PLCH1: variants seen among roughly 807,000 people sequenced by gnomAD.
The protein encoded by PLCH1 is phospholipase C eta 1.
In PLCH1, 60 loss-of-function variants were observed where a neutral mutation model predicts 126.7. The observed-to-expected ratio is 0.47, with a 90% CI of 0.38 to 0.59. The LOEUF (loss-of-function observed/expected upper bound fraction) is 0.59. PLCH1 is among the 20% of genes least tolerant of loss of function. The pLI, the probability that PLCH1 is intolerant of heterozygous loss-of-function variation, is 0.00. For missense variants in PLCH1, 1,723 were observed against 2,040.0 expected (o/e 0.84, Z 2.99); for synonymous variants, 719 against 734.9 (o/e 0.98, Z 0.35).
Position 155,595,186 on chromosome 3 carries a change from T to A in PLCH1, c.227-1002A>T, listed in dbSNP as rs186237643. ...CTGGAAAGGTAGACAATGGCTAGAT[T>A]GTGGAGTGGCTGGAATCACAGAGAT... On this transcript the variant is annotated intron_variant, in intron 3 of 22. Transcript: ENST00000460012. Among the ~76,000 whole-genome samples the A allele has an allele frequency of 8.5e-5, 13 of 152,302 alleles. No homozygotes were observed. The East Asian group carries it at 2.3e-3, about 27-fold the overall frequency.
rs548215489 is a variant in PLCH1, at chr3:155,684,030, T to C, written c.79+20116A>G. The stretch of plus-strand genomic sequence containing the variant: ...CCTGATATCTTAATACAGGATATTT[T>C]ATCATGCCTTAATCTGCCATCTCTG... On this transcript the variant is annotated intron_variant, in intron 2 of 22. Transcript: ENST00000460012. 7.9e-5 allele frequency among the ~76,000 whole-genome samples: 12 copies of C among 152,356 alleles called. No homozygotes were observed. In the South Asian group the frequency reaches 2.3e-3, roughly 29 times the overall value.
Position 155,529,853 on chromosome 3 carries a change from G to A in PLCH1, c.1363-5849C>T, listed in dbSNP as rs190569512. Among the ~76,000 whole-genome samples, 456 of 152,084 alleles carry A rather than the reference G, an allele frequency of 3.0e-3. 1 individual carries two copies. The highest frequency in any genetic ancestry group is 0.019 in the South Asian group (92 of 4,814). ...ACGACCTCGGCTCACTGCAACCTCC[G>A]CCCCCCGGGTTCAAGCGATTCTCCT... On this transcript the variant is annotated intron_variant, in intron 10 of 22. Transcript: ENST00000460012.
rs1487580466 is a variant in PLCH1, at chr3:155,471,880, G to A, written c.2938+13476C>T. 3.9e-5 allele frequency among the ~76,000 whole-genome samples: 6 copies of A among 151,924 alleles called. No homozygotes were observed. In the East Asian group the frequency reaches 7.7e-4, roughly 20 times the overall value. On this transcript the variant is annotated intron_variant, in intron 21 of 21. Transcript: ENST00000494598. Reference sequence around the variant, plus strand: ...AATAAAGATGTTCTTTGAAACCAACGAGAACAAAGACACAACATACCAGAA... The same window carrying A: ...AATAAAGATGTTCTTTGAAACCAACAAGAACAAAGACACAACATACCAGAA...
intron 2 of PLCH1, among the ~76,000 whole-genome samples, chr3:155,683,312 T>C (rs548350439): frequency 6.6e-6 from 1 of 152,310 alleles, no homozygotes; most frequent in East Asian, 1.9e-4. Flanking sequence ...ACTTTAAATT[T>C]TATAGGTTAG....
intron 2 of PLCH1, among the ~76,000 whole-genome samples, chr3:155,678,515 C>T (rs1048136100): frequency 1.3e-5 from 2 of 152,176 alleles, no homozygotes; most frequent in African/African-American, 4.8e-5. Context: ...CAAATAACCT[C>T]CTATGCAGCC....
chr3:155,626,768 C>CAAAAA (rs71155058), intron 2 of PLCH1, among the ~76,000 whole-genome samples: 30 of 49,644 alleles, frequency 6.0e-4, no homozygotes, highest in Non-Finnish European at 1.0e-3. Flanking sequence ...GACTCCGTCT[C>CAAAAA]AAAAAAAAAA....
intron 2 of PLCH1, among the ~76,000 whole-genome samples, chr3:155,670,788 C>G (rs939841657): frequency 6.6e-6 from 1 of 152,212 alleles, no homozygotes; most frequent in Non-Finnish European, 1.5e-5. Context: ...AGATCCAGCA[C>G]AAACTCCTCA....
At chr3:155,621,475 G>A (rs980436681) in intron 2 of PLCH1, among the ~76,000 whole-genome samples, 1 of 152,164 alleles carries the variant, frequency 6.6e-6, no homozygotes, top group East Asian at 1.9e-4. Flanking sequence ...AGCTAAAGGA[G>A]CATGTTCTAA....
chr3:155,548,740 T>C (rs887052303), intron 10 of PLCH1, among the ~76,000 whole-genome samples: 7 of 152,214 alleles, frequency 4.6e-5, no homozygotes, highest in African/African-American at 1.7e-4. Context: ...TCTCTTGCAT[T>C]ATGTGGAGCT....
chr3:155,485,322 G>T, intron 22 of PLCH1, 34 bp downstream of exon 22: 2 of 1,371,800 alleles, frequency 1.5e-6, no homozygotes, highest in South Asian at 2.5e-5. Context: ...CAGCCTAGAA[G>T]GGTTTATTCT....
chr3:155,652,839 C>T (rs1011256983), intron 2 of PLCH1, among the ~76,000 whole-genome samples: 5 of 152,170 alleles, frequency 3.3e-5, no homozygotes, highest in African/African-American at 1.2e-4. Flanking sequence ...CTGCCATCAT[C>T]CCTGGCAACA....
chr3:155,651,790 T>G (rs1740742840), intron 2 of PLCH1, among the ~76,000 whole-genome samples: 1 of 152,228 alleles, frequency 6.6e-6, no homozygotes, highest in Non-Finnish European at 1.5e-5. Context: ...TCAATTTTAT[T>G]GATAGGCAAA....
intron 1 of PLCH1, among the ~76,000 whole-genome samples, chr3:155,706,944 T>G (rs1746723171): frequency 6.6e-6 from 1 of 152,182 alleles, no homozygotes; most frequent in Non-Finnish European, 1.5e-5. Context: ...TGAATGTTTG[T>G]GTCTGCCCCA....
intron 14 of PLCH1, among the ~76,000 whole-genome samples, chr3:155,499,911 G>C (rs1289641805): frequency 6.6e-6 from 1 of 152,002 alleles, no homozygotes; most frequent in African/African-American, 2.4e-5. Flanking sequence ...TATTCTGTTG[G>C]AGCTCAAATA....
intron 21 of PLCH1, among the ~76,000 whole-genome samples, chr3:155,451,531 A>C (rs569708565): frequency 4.8e-4 from 73 of 152,274 alleles, no homozygotes; most frequent in Non-Finnish European, 9.1e-4. Context: ...ACTTATGGGA[A>C]TGTCTATGTG....
chr3:155,529,071 T>C (rs1233222206), intron 10 of PLCH1, among the ~76,000 whole-genome samples: 2 of 152,224 alleles, frequency 1.3e-5, no homozygotes, highest in Non-Finnish European at 2.9e-5. Flanking sequence ...TAGATAGCAC[T>C]TTATATGGCT....
intron 2 of PLCH1, chr3:155,658,291 T>C (rs1348775429): frequency 1.9e-5 from 4 of 210,406 alleles, no homozygotes; most frequent in Middle Eastern, 2.3e-3. Flanking sequence ...GCTTGTTACT[T>C]GTGACTGGAT....
At chr3:155,702,653 G>A (rs1746361439) in intron 2 of PLCH1, among the ~76,000 whole-genome samples, 1 of 150,980 alleles carries the variant, frequency 6.6e-6, no homozygotes, top group African/African-American at 2.5e-5. Context: ...CTGAATAAAG[G>A]CATTCTAAAA....
intron 1 of PLCH1, among the ~76,000 whole-genome samples, chr3:155,717,844 C>T (rs559236106): frequency 7.2e-5 from 11 of 152,206 alleles, no homozygotes; most frequent in East Asian, 1.9e-4. Flanking sequence ...AAAATATCTC[C>T]GGCAAGGTGT....
Sources: allele counts gnomAD v4.1 joint callset (sites outside exome capture counted in the v4.1 genomes callset), GRCh38; gene constraint gnomAD v4.1.1; transcripts MANE v1.5; gene names NCBI Gene and HGNC (gene_info 2026-07-23, HGNC 2026-07-21).